ARSL: variants seen among roughly 807,000 people sequenced by gnomAD.
ARSL encodes the protein arylsulfatase L, also known as arylsulfatase E (chondrodysplasia punctata 1).
In ARSL, 4 loss-of-function variants were observed where a neutral mutation model predicts 31.1. That is an observed-to-expected ratio of 0.13 (90% CI 0.06 to 0.29). The LOEUF is 0.29. Among genes scored for constraint, ARSL ranks in the 10% least tolerant of loss-of-function variants. ARSL has a pLI of 1.00. For missense variants in ARSL, 312 were observed against 497.8 expected, an observed-to-expected ratio of 0.63 and a Z score of 3.55; for synonymous variants, 198 against 209.9, an observed-to-expected ratio of 0.94 and a Z score of 0.49.
intron 7 of ARSL, 127 bp downstream of exon 7, chrX:2,945,871 C>T (rs1052000036): frequency 9.4e-6 from 9 of 962,331 alleles, no homozygotes; most frequent in Non-Finnish European, 1.3e-5. Context: ...ATTTTGCACT[C>T]TTAAAATCCA....
At chrX:2,956,058 A>G (rs751899008) in intron 3 of ARSL, among the ~76,000 whole-genome samples, 3 of 111,672 alleles carry the variant, frequency 2.7e-5, no homozygotes, top group Non-Finnish European at 3.8e-5. Flanking sequence ...ATGAATGAGT[A>G]GATAGAGTGA....
chrX:2,954,853 T>C (rs1213135996), intron 4 of ARSL, among the ~76,000 whole-genome samples: 1 of 111,263 alleles, frequency 9.0e-6, no homozygotes, highest in East Asian at 2.8e-4. Flanking sequence ...GCCTTTCTTA[T>C]TTATTGTTTT....
At chrX:2,945,543 C>T (rs2089366568) in intron 7 of ARSL, among the ~76,000 whole-genome samples, 1 of 111,922 alleles carries the variant, frequency 8.9e-6, no homozygotes, top group Non-Finnish European at 1.9e-5. Context: ...CTCTCTAACA[C>T]ATGGGGATTA....
chrX:2,955,173 T>C (rs958665219), intron 4 of ARSL, among the ~76,000 whole-genome samples: 1 of 112,107 alleles, frequency 8.9e-6, no homozygotes, highest in African/African-American at 3.2e-5. Context: ...CCCTAAGATG[T>C]CAAAGCATCA....
intron 10 of ARSL, among the ~76,000 whole-genome samples, chrX:2,936,362 ATGTGTGTGCAAGCATG>A (rs1405221288): frequency 2.7e-5 from 3 of 111,360 alleles, no homozygotes; most frequent in Non-Finnish European, 3.8e-5. Context: ...TCTTGAACAC[ATGTGTGTGCAAGCATG>A]TGTGCGTGCG....
intron 1 of ARSL, among the ~76,000 whole-genome samples, chrX:2,963,833 C>T (rs976601000): frequency 1.8e-5 from 2 of 109,244 alleles, no homozygotes; most frequent in Non-Finnish European, 1.9e-5. Context: ...CGTGAGCCAC[C>T]GTGCCCGACC....
intron 1 of ARSL, among the ~76,000 whole-genome samples, chrX:2,962,639 G>C (rs188002461): frequency 3.8e-4 from 43 of 111,752 alleles, no homozygotes; most frequent in African/African-American, 1.4e-3. Context: ...ACGCCTTTTC[G>C]GGGATGCTGG....
At chrX:2,962,280 A>T (rs2089648596) in intron 1 of ARSL, among the ~76,000 whole-genome samples, 1 of 111,757 alleles carries the variant, frequency 8.9e-6, no homozygotes, top group Non-Finnish European at 1.9e-5. Flanking sequence ...ATCTCTTCAA[A>T]TATTCTACAG....
At chrX:2,955,597 T>G (rs148633489) in intron 3 of ARSL, 60 bp from the exon 4 acceptor site, 1 of 1,160,895 alleles carries the variant, frequency 8.6e-7, no homozygotes, top group African/African-American at 1.8e-5. Flanking sequence ...TTCATAAGCA[T>G]AGCTACATGC....
At position 2,964,322 on chromosome X, in the gene ARSL, T is replaced by C. The variant is rs1207204297; in HGVS notation, c.-119A>G. ...AGGCAGAGAGCACTTGCACAAGGCT[T>C]TGAGCTGGGAATGATTAACTTCGAG... On this transcript the variant is annotated 5_prime_UTR_variant, in exon 1 of 11. Transcript: ENST00000381134. The C allele has an allele frequency of 1.3e-6, 1 of 751,657 alleles. No homozygotes were observed. Among genetic ancestry groups the C allele is most frequent in the Admixed American group, 9.0e-5 (1 of 11,150 alleles). The allele number at this position is 751,657 out of a possible 1,213,427, so 61.9% of individuals were successfully genotyped here. A position where few individuals can be genotyped will look rare whatever the true frequency, so the allele number is the denominator to read the frequency against.
chrX:2,967,219 T>C (rs1448755676), upstream of ARSL, among the ~76,000 whole-genome samples: 1 of 111,583 alleles, frequency 9.0e-6, no homozygotes, highest in Non-Finnish European at 1.9e-5. Flanking sequence ...CCCTCAAACA[T>C]GTTTGAACAG....
intron 10 of ARSL, 146 bp from the exon 11 acceptor site, chrX:2,935,336 A>G (rs1011406499): frequency 6.3e-5 from 33 of 521,062 alleles, no homozygotes; most frequent in Non-Finnish European, 9.8e-5. Context: ...TACATCTTAC[A>G]TGGCATACTC....
intron 8 of ARSL, 65 bp from the exon 9 acceptor site, chrX:2,938,322 T>A: frequency 8.5e-7 from 1 of 1,171,545 alleles, no homozygotes; most frequent in Non-Finnish European, 1.1e-6. Context: ...GCCTGGCTGA[T>A]TTAACTTTTC....
intron 6 of ARSL, among the ~76,000 whole-genome samples, chrX:2,947,475 G>T (rs2089401533): frequency 8.9e-6 from 1 of 112,412 alleles, no homozygotes; most frequent in African/African-American, 3.2e-5. Flanking sequence ...GGCATATTGG[G>T]TTATTCATAT....
intron 5 of ARSL, among the ~76,000 whole-genome samples, chrX:2,950,142 C>T: frequency 9.0e-6 from 1 of 111,546 alleles, no homozygotes; most frequent in East Asian, 2.8e-4. Context: ...GGCTTGTGGC[C>T]GCATCACTCC....
rs143383382 is a variant in ARSL at position 2,949,645 on chromosome X, G to A, written c.513C>T (p.Tyr171=). ...CACCCATCAAGGAGAAAGGCATTCC[G>A]TAGAAATGGTCAAAGCCATGATGGA... ...HPLHHGFDHF[Y]GMPFSLMGDC... The change falls in exon 6 of 11, where the codon TAC becomes TAT. Residue 171 remains tyrosine (Y), a synonymous_variant. Transcript: ENST00000381134. 3.3e-6 allele frequency: 4 copies of A among 1,209,714 alleles called. No individual in the cohort carries two copies. Among genetic ancestry groups the A allele is most frequent in the Admixed American group, 2.2e-5 (1 of 45,683 alleles).
chrX:2,948,311 T>G (rs968101507), intron 6 of ARSL, among the ~76,000 whole-genome samples: 2 of 111,567 alleles, frequency 1.8e-5, no homozygotes, highest in Admixed American at 1.9e-4. Context: ...GAATTTTCCT[T>G]GCCATAAAAT....
intron 8 of ARSL, among the ~76,000 whole-genome samples, chrX:2,940,191 T>G (rs748355257): frequency 1.3e-3 from 146 of 110,382 alleles, no homozygotes; most frequent in African/African-American, 4.6e-3. Flanking sequence ...ATGCATTGTC[T>G]GAAGGTAAAA....
chrX:2,961,867 T>TC (rs1435228714), intron 1 of ARSL, among the ~76,000 whole-genome samples: 5 of 109,671 alleles, frequency 4.6e-5, no homozygotes, highest in Non-Finnish European at 7.6e-5. Flanking sequence ...GGTTTTTTTT[T>TC]TTTTTTTTTA....
Sources: gnomAD v4.1 joint callset for allele counts (sites outside exome capture counted in the v4.1 genomes callset) on GRCh38, gnomAD v4.1.1 for gene constraint, MANE v1.5 for transcripts, NCBI Gene and HGNC (gene_info 2026-07-23, HGNC 2026-07-21) for gene names.